Variants in PNPT1 observed in about 807,000 individuals in gnomAD.
PNPT1 encodes polyribonucleotide nucleotidyltransferase 1, mitochondrial.
A neutral mutation model predicts 119.5 loss-of-function variants in PNPT1; 53 were observed. The observed-to-expected ratio is 0.44, with a 90% confidence interval of 0.36 to 0.56. The LOEUF (loss-of-function observed/expected upper bound fraction) is 0.56, where lower values mean the gene tolerates loss of function less well. Among genes scored for constraint, PNPT1 ranks in the 20% least tolerant of loss-of-function variants. The pLI is 0.00. For missense variants in PNPT1, 948 were observed against 938.5 expected (o/e 1.01, Z -0.13); for synonymous variants, 357 against 322.1 (o/e 1.11, Z -1.16).
At chr2:55,648,672 CTTT>C (rs1462196296) in intron 18 of PNPT1, among the ~76,000 whole-genome samples, 1 of 152,008 alleles carries the variant, frequency 6.6e-6, no homozygotes, top group African/African-American at 2.4e-5. Flanking sequence ...GGTTGGCAGT[CTTT>C]TTATTACTGA....
At chr2:55,660,521 T>C (rs1461470552) in intron 14 of PNPT1, among the ~76,000 whole-genome samples, 1 of 152,242 alleles carries the variant, frequency 6.6e-6, no homozygotes, top group African/African-American at 2.4e-5. Context: ...ATACCCACGT[T>C]AGTTAAATCT....
At chr2:55,644,778 C>A in intron 22 of PNPT1, 58 bp from the exon 23 acceptor site, 1 of 1,239,786 alleles carries the variant, frequency 8.1e-7, no homozygotes, top group Non-Finnish European at 1.1e-6. Flanking sequence ...GAACCTAAAA[C>A]ATGCCATGGT....
chr2:55,650,132 C>G (rs1250685341), intron 18 of PNPT1, among the ~76,000 whole-genome samples: 1 of 145,926 alleles, frequency 6.9e-6, no homozygotes, highest in African/African-American at 2.4e-5. Flanking sequence ...TGCCCTCTCT[C>G]CCTCTCTCCA....
At chr2:55,637,715 G>A (rs773782686) in intron 26 of PNPT1, 116 bp from the exon 27 acceptor site, 25 of 907,394 alleles carry the variant, frequency 2.8e-5, no homozygotes, top group South Asian at 9.1e-5. Context: ...ATCAGTTAGC[G>A]GCTGGGCGCA....
chr2:55,653,651 G>C (rs868122991), intron 18 of PNPT1, among the ~76,000 whole-genome samples: 1 of 152,298 alleles, frequency 6.6e-6, no homozygotes, highest in Middle Eastern at 3.4e-3. Context: ...AGTAGCAGCA[G>C]TATTTTACCA....
At chr2:55,650,906 GC>G (rs1696161799) in intron 18 of PNPT1, among the ~76,000 whole-genome samples, 1 of 150,586 alleles carries the variant, frequency 6.6e-6, no homozygotes, top group Non-Finnish European at 1.5e-5. Flanking sequence ...GGGGGGGTCA[GC>G]CCCCCGCCCG....
At chr2:55,665,133 A>G (rs1307974032) in intron 13 of PNPT1, among the ~76,000 whole-genome samples, 3 of 152,218 alleles carry the variant, frequency 2.0e-5, no homozygotes, top group East Asian at 3.8e-4. Flanking sequence ...ATGAAAAAGG[A>G]TATAGTTTAA....
At chr2:55,646,984 TGCCACCATGCCCAG>T (rs936282526) in intron 19 of PNPT1, among the ~76,000 whole-genome samples, 5 of 152,084 alleles carry the variant, frequency 3.3e-5, no homozygotes, top group African/African-American at 4.8e-5. Context: ...TACAGGTGTG[TGCCACCATGCCCAG>T]GCTAATTTTT....
chr2:55,646,236 G>A, intron 21 of PNPT1, 23 bp downstream of exon 21: 23 of 1,592,366 alleles, frequency 1.4e-5, no homozygotes, highest in Non-Finnish European at 2.0e-5. Context: ...AGAATGAAGG[G>A]AGAATCAAGC....
At position 55,685,055 on chromosome 2, in the gene PNPT1, C is replaced by T; in HGVS notation, c.298-7G>A. The T allele has an allele frequency of 6.4e-7, 1 of 1,562,762 alleles. No homozygotes were observed. The highest frequency in any genetic ancestry group is 8.7e-7 in the Non-Finnish European group (1 of 1,149,998). On this transcript the variant is annotated splice_polypyrimidine_tract_variant and splice_region_variant and intron_variant, in intron 3 of 27. Coordinates refer to ENST00000447944, the MANE Select transcript of PNPT1 (RefSeq NM_033109.5). ...CTTTTTGTCTGTAGTCAACCTGAAG[C>T]AGCAATAAAAAAAAGTTCATATAAT... is the stretch of plus-strand genomic sequence containing the variant.
rs574251894 is a variant in PNPT1 at position 55,646,272 on chromosome 2, A to G, written c.1725T>C (p.Ile575=). The G allele has an allele frequency of 3.3e-5, 53 of 1,613,212 alleles. No individual in the cohort carries two copies. In the East Asian group the frequency reaches 1.1e-3, roughly 33 times the overall value. ...GIPIKIVMEA[I]QQASVAKKEI... ...ACACTAGCTCACCTGAAGCTTGTTG[A>G]ATAGCCTCCATCACAATTTTTATTG... Residue 575 remains isoleucine (I), a synonymous_variant, in exon 21 of 28, where the codon ATT becomes ATC. Transcript: ENST00000447944.
chr2:55,672,357 C>T (rs1696942120), intron 9 of PNPT1, among the ~76,000 whole-genome samples: 1 of 152,182 alleles, frequency 6.6e-6, no homozygotes, highest in South Asian at 2.1e-4. Context: ...TCATTCTACC[C>T]ATTTTGGCTC....
At chr2:55,659,560 C>T (rs2104084272) in intron 15 of PNPT1, among the ~76,000 whole-genome samples, 1 of 151,704 alleles carries the variant, frequency 6.6e-6, no homozygotes, top group South Asian at 2.1e-4. Context: ...GTCTGCTATA[C>T]TTTAACTTTT....
chr2:55,692,821 T>A (rs1697659031), intron 1 of PNPT1, among the ~76,000 whole-genome samples: 1 of 152,114 alleles, frequency 6.6e-6, no homozygotes, highest in Non-Finnish European at 1.5e-5. Context: ...CATGATATCT[T>A]GTACTCCTAA....
intron 5 of PNPT1, among the ~76,000 whole-genome samples, chr2:55,683,268 G>A (rs1451809562): frequency 1.3e-5 from 2 of 152,136 alleles, no homozygotes; most frequent in African/African-American, 4.8e-5. Flanking sequence ...AACTCCTACT[G>A]AAATTCAGGT....
intron 17 of PNPT1, among the ~76,000 whole-genome samples, 160 bp downstream of exon 17, chr2:55,655,971 G>A (rs562024519): frequency 2.6e-5 from 4 of 152,180 alleles, no homozygotes; most frequent in Admixed American, 1.3e-4. Context: ...GCTAAGAACA[G>A]AGATTAAGAC....
chr2:55,650,917 G>A (rs1328457763), intron 18 of PNPT1, among the ~76,000 whole-genome samples: 22 of 148,504 alleles, frequency 1.5e-4, no homozygotes, highest in Non-Finnish European at 2.2e-4. Context: ...CCCCCCGCCC[G>A]GCCAGCCGCC....
chr2:55,654,991 T>A, intron 17 of PNPT1, 38 bp from the exon 18 acceptor site: 1 of 1,540,624 alleles, frequency 6.5e-7, no homozygotes, highest in Non-Finnish European at 8.9e-7. Flanking sequence ...ATTAAACTGA[T>A]TTTTTTAATG....
chr2:55,661,852 C>T, intron 14 of PNPT1, 104 bp downstream of exon 14: 8 of 1,101,286 alleles, frequency 7.3e-6, no homozygotes, highest in Non-Finnish European at 9.8e-6. Context: ...AGTACAAAAA[C>T]ACAGGTTAAA....
Sources: allele counts gnomAD v4.1 joint callset (sites outside exome capture counted in the v4.1 genomes callset), GRCh38; gene constraint gnomAD v4.1.1; transcripts MANE v1.5; gene names NCBI Gene and HGNC (gene_info 2026-07-23, HGNC 2026-07-21).